The following CNTN1 variants were observed in gnomAD, a reference collection of about 807,000 sequenced individuals.
CNTN1 encodes contactin 1, also known as contactin-1.
A neutral mutation model predicts 126.4 loss-of-function variants in CNTN1; 38 were observed. The observed-to-expected ratio is 0.30, with a 90% CI of 0.23 to 0.39. The LOEUF is 0.39. Among genes scored for constraint, CNTN1 ranks in the 10% least tolerant of loss-of-function variants. The pLI, the probability that CNTN1 is intolerant of heterozygous loss-of-function variation, is 1.00. For synonymous variants in CNTN1, 413 were observed against 422.6 expected (o/e 0.98, Z 0.28); for missense variants, 1,009 against 1,248.4 (o/e 0.81, Z 2.89).
At chr12:40,803,888 G>A (rs1452516860) in intron 1 of CNTN1, among the ~76,000 whole-genome samples, 1 of 151,840 alleles carries the variant, frequency 6.6e-6, no homozygotes, top group Middle Eastern at 3.4e-3. Flanking sequence ...AATATAAAGT[G>A]CATCCACTTT....
At chr12:40,742,083 C>A (rs565013862) in intron 1 of CNTN1, among the ~76,000 whole-genome samples, 33 of 152,106 alleles carry the variant, frequency 2.2e-4, no homozygotes, top group Non-Finnish European at 3.1e-4. Context: ...TCAAGTCAGA[C>A]AAACTGACCC....
chr12:40,777,206 C>A (rs1240311542), intron 1 of CNTN1, among the ~76,000 whole-genome samples: 1 of 151,492 alleles, frequency 6.6e-6, no homozygotes, highest in African/African-American at 2.4e-5. Context: ...TCTAGTCAAC[C>A]ATGCTAGGAT....
intron 14 of CNTN1, among the ~76,000 whole-genome samples, chr12:40,952,362 T>C (rs530036404): frequency 1.3e-5 from 2 of 152,164 alleles, no homozygotes; most frequent in Admixed American, 1.3e-4. Context: ...AAATTATAAA[T>C]ATAATTACAT....
chr12:41,000,993 A>G (rs1592383232), intron 17 of CNTN1, among the ~76,000 whole-genome samples: 1 of 152,200 alleles, frequency 6.6e-6, no homozygotes, highest in South Asian at 2.1e-4. Flanking sequence ...ATAGTATTCC[A>G]TGGTGTATAT....
intron 23 of CNTN1, among the ~76,000 whole-genome samples, chr12:41,057,002 ATTTAG>A (rs2121073280): frequency 1.2e-5 from 1 of 81,108 alleles, no homozygotes; most frequent in African/African-American, 7.8e-5. Flanking sequence ...TATTATAAAT[ATTTAG>A]ATATTTATAA....
intron 1 of CNTN1, among the ~76,000 whole-genome samples, chr12:40,814,874 G>A (rs1246281796): frequency 6.6e-6 from 1 of 152,000 alleles, no homozygotes; most frequent in Non-Finnish European, 1.5e-5. Context: ...TTATTTCGTT[G>A]AGCAGCAGTT....
At chr12:40,841,139 A>G (rs902287967) in intron 1 of CNTN1, among the ~76,000 whole-genome samples, 1 of 152,064 alleles carries the variant, frequency 6.6e-6, no homozygotes, top group African/African-American at 2.4e-5. Context: ...ACAGAAATAC[A>G]GAAGATCATC....
intron 15 of CNTN1, among the ~76,000 whole-genome samples, chr12:40,963,121 A>G (rs1947165758): frequency 6.6e-6 from 1 of 152,090 alleles, no homozygotes; most frequent in Non-Finnish European, 1.5e-5. Context: ...ATGAATCTAT[A>G]TAAAAAATGA....
chr12:40,997,347 GA>G (rs1379264256), intron 17 of CNTN1, among the ~76,000 whole-genome samples: 1 of 152,032 alleles, frequency 6.6e-6, no homozygotes, highest in African/African-American at 2.4e-5. Context: ...AAAGGAAAGA[GA>G]AAAAAGAATA....
intron 1 of CNTN1, among the ~76,000 whole-genome samples, chr12:40,847,469 C>T (rs1942554272): frequency 6.6e-6 from 1 of 152,054 alleles, no homozygotes; most frequent in African/African-American, 2.4e-5. Context: ...CAAAGTACTT[C>T]AAATCAGCCA....
At chr12:40,998,842 A>C (rs1948284350) in intron 17 of CNTN1, among the ~76,000 whole-genome samples, 1 of 152,150 alleles carries the variant, frequency 6.6e-6, no homozygotes. Context: ...ATTCCAATGC[A>C]AGTTAAAGTA....
chr12:41,033,374 T>A (rs1212491447), intron 23 of CNTN1, among the ~76,000 whole-genome samples: 1 of 152,228 alleles, frequency 6.6e-6, no homozygotes. Flanking sequence ...TAAGCTAATT[T>A]GGATTACTAC....
intron 1 of CNTN1, among the ~76,000 whole-genome samples, chr12:40,732,706 A>G (rs1942531009): frequency 6.6e-6 from 1 of 152,090 alleles, no homozygotes; most frequent in Non-Finnish European, 1.5e-5. Context: ...TGAAGTGTTA[A>G]TGATTTGCCT....
intron 1 of CNTN1, among the ~76,000 whole-genome samples, chr12:40,843,578 G>A (rs1942373155): frequency 6.6e-6 from 1 of 152,164 alleles, no homozygotes; most frequent in Admixed American, 6.5e-5. Context: ...TGATAATAAG[G>A]TCTTCTCGGC....
chr12:40,759,775 T>TA (rs1938777613), intron 1 of CNTN1, among the ~76,000 whole-genome samples: 2 of 57,918 alleles, frequency 3.5e-5, no homozygotes, highest in Non-Finnish European at 7.4e-5. Context: ...GGCCCAGATA[T>TA]TTTTTTTTTT....
intron 23 of CNTN1, among the ~76,000 whole-genome samples, chr12:41,049,150 G>A (rs1030257204): frequency 6.6e-6 from 1 of 152,190 alleles, no homozygotes; most frequent in Admixed American, 6.5e-5. Flanking sequence ...TCCTTTTCTG[G>A]TTTCTGGTAA....
At chr12:40,834,304 G>T (rs1253177909) in intron 1 of CNTN1, among the ~76,000 whole-genome samples, 1 of 152,146 alleles carries the variant, frequency 6.6e-6, no homozygotes, top group Non-Finnish European at 1.5e-5. Context: ...GCCATTAACT[G>T]CCCTTTCACC....
intron 17 of CNTN1, among the ~76,000 whole-genome samples, chr12:41,001,220 A>G (rs1308063639): frequency 6.6e-6 from 1 of 152,166 alleles, no homozygotes; most frequent in Non-Finnish European, 1.5e-5. Context: ...GTCTTCCACA[A>G]TAGTGTATAA....
intron 1 of CNTN1, among the ~76,000 whole-genome samples, chr12:40,694,376 T>C (rs770758587): frequency 2.6e-5 from 4 of 152,272 alleles, no homozygotes; most frequent in African/African-American, 7.2e-5. Context: ...CTGAAATTAC[T>C]TATTCCTGAT....
Sources: allele counts gnomAD v4.1 joint callset (sites outside exome capture counted in the v4.1 genomes callset), GRCh38; gene constraint gnomAD v4.1.1; transcripts MANE v1.5; gene names NCBI Gene and HGNC (gene_info 2026-07-23, HGNC 2026-07-21).